GRID2: variants seen among roughly 807,000 people sequenced by gnomAD.
The protein encoded by GRID2 is glutamate ionotropic receptor delta type subunit 2.
GRID2 carries 33 observed loss-of-function variants against 114.8 expected under a neutral mutation model. The ratio of observed to expected loss-of-function variants is 0.29; its 90% confidence interval spans 0.22 to 0.38. The LOEUF is 0.38. Among genes scored for constraint, GRID2 ranks in the 10% least tolerant of loss-of-function variants. GRID2 has a pLI of 1.00. For missense variants in GRID2, 1,184 were observed against 1,257.7 expected, an observed-to-expected ratio of 0.94 and a Z score of 0.89; for synonymous variants, 505 against 449.9, an observed-to-expected ratio of 1.12 and a Z score of -1.55.
intron 1 of GRID2, among the ~76,000 whole-genome samples, chr4:92,483,585 G>C (rs951842830): frequency 6.6e-6 from 1 of 152,078 alleles, no homozygotes; most frequent in South Asian, 2.1e-4. Flanking sequence ...CCTGGGTCAG[G>C]AACACCAACC....
At chr4:93,730,295 C>G (rs1456705618) in intron 14 of GRID2, among the ~76,000 whole-genome samples, 2 of 150,132 alleles carry the variant, frequency 1.3e-5, no homozygotes, top group African/African-American at 4.9e-5. Context: ...AGAAAACTTC[C>G]TCAGAAAATA....
At chr4:93,068,927 T>G (rs1728558659) in intron 2 of GRID2, among the ~76,000 whole-genome samples, 1 of 152,030 alleles carries the variant, frequency 6.6e-6, no homozygotes, top group Admixed American at 6.6e-5. Flanking sequence ...TCTACTTGGC[T>G]TCTGGGGATG....
At chr4:92,556,974 C>G (rs947900391) in intron 1 of GRID2, among the ~76,000 whole-genome samples, 1 of 152,130 alleles carries the variant, frequency 6.6e-6, no homozygotes, top group Non-Finnish European at 1.5e-5. Context: ...ATCATCAGCT[C>G]TTACTAATAA....
intron 2 of GRID2, among the ~76,000 whole-genome samples, chr4:93,082,246 A>G (rs1044922090): frequency 1.3e-5 from 2 of 152,200 alleles, no homozygotes; most frequent in Admixed American, 6.5e-5. Context: ...ACTTGACAAT[A>G]AAACAATCTC....
chr4:93,454,190 T>C lies in GRID2; in HGVS notation c.1546-1472T>C, dbSNP rs147973148. On this transcript the variant is annotated intron_variant, in intron 10 of 15. Coordinates refer to ENST00000282020, the MANE Select transcript of GRID2 (RefSeq NM_001510.4). ...ATCCATGGTACGTATACTAATATGG[T>C]CTTGTTATAATGTAAATAGTACAGT... Among the ~76,000 whole-genome samples the C allele has an allele frequency of 4.3e-3, 656 of 152,144 alleles. 9 individuals carry two copies. The highest frequency in any genetic ancestry group is 0.015 in the African/African-American group (624 of 41,544).
rs1292418803 is a variant in GRID2 at position 93,769,067 on chromosome 4, T to C, written c.2361-143T>C. The C allele has an allele frequency of 1.2e-5, 9 of 728,282 alleles. No homozygotes were observed. The East Asian group carries it at 2.0e-4, about 16-fold the overall frequency. The allele number at this position is 728,282 out of a possible 1,614,324, so 45.1% of individuals were successfully genotyped here. On this transcript the variant is annotated intron_variant, in intron 14 of 15. Transcript: ENST00000282020. Reference sequence around the variant, plus strand: ...AATGATGACTTTCTGTTTCCTAGCATTCCATCTAAAACAAGCAGATCTATA... The same window carrying C: ...AATGATGACTTTCTGTTTCCTAGCACTCCATCTAAAACAAGCAGATCTATA...
chr4:92,667,277 C>G (rs1214608571), intron 2 of GRID2, among the ~76,000 whole-genome samples: 6 of 151,532 alleles, frequency 4.0e-5, no homozygotes, highest in Non-Finnish European at 5.9e-5. Flanking sequence ...CCAGAATTCT[C>G]TTATTTTGAG....
chr4:93,701,838 A>G (rs542145648), intron 14 of GRID2, among the ~76,000 whole-genome samples: 53 of 152,108 alleles, frequency 3.5e-4, no homozygotes, highest in Middle Eastern at 3.4e-3. Flanking sequence ...ATACATATAT[A>G]TTTTTTAACA....
chr4:93,288,846 A>T (rs941190786), intron 8 of GRID2, among the ~76,000 whole-genome samples: 1 of 152,056 alleles, frequency 6.6e-6, no homozygotes, highest in Non-Finnish European at 1.5e-5. Context: ...TTTTCCCTGT[A>T]TTGTGTGAAT....
intron 2 of GRID2, among the ~76,000 whole-genome samples, chr4:92,700,759 G>A (rs545068399): frequency 2.0e-5 from 3 of 152,256 alleles, no homozygotes; most frequent in Admixed American, 2.0e-4. Flanking sequence ...TTGGGAGACC[G>A]AGGTGGGTGA....
At chr4:92,609,631 A>G (rs912622079) in intron 2 of GRID2, among the ~76,000 whole-genome samples, 6 of 150,334 alleles carry the variant, frequency 4.0e-5, no homozygotes, top group African/African-American at 1.2e-4. Context: ...TATATTATAT[A>G]TATATAATAA....
At chr4:93,425,884 G>A (rs1768795967) in intron 10 of GRID2, among the ~76,000 whole-genome samples, 2 of 152,134 alleles carry the variant, frequency 1.3e-5, no homozygotes, top group African/African-American at 2.4e-5. Flanking sequence ...AGGGTACCCT[G>A]CAGTTTCTGC....
At chr4:92,602,428 C>T (rs1729261594) in intron 2 of GRID2, among the ~76,000 whole-genome samples, 1 of 152,016 alleles carries the variant, frequency 6.6e-6, no homozygotes, top group Admixed American at 6.6e-5. Context: ...TAATTCATTA[C>T]ATAAACAGAA....
intron 14 of GRID2, among the ~76,000 whole-genome samples, chr4:93,656,953 C>A (rs1490783900): frequency 1.3e-5 from 2 of 150,258 alleles, no homozygotes; most frequent in Non-Finnish European, 3.0e-5. Context: ...CAGACAAGCT[C>A]ACATGAGTTT....
chr4:93,497,423 C>G (rs1727655738), intron 12 of GRID2, among the ~76,000 whole-genome samples: 1 of 151,784 alleles, frequency 6.6e-6, no homozygotes, highest in Admixed American at 6.6e-5. Context: ...GGTTTCATGT[C>G]TAGCACTCTT....
intron 8 of GRID2, among the ~76,000 whole-genome samples, chr4:93,286,478 T>A (rs78188122): frequency 1.4e-3 from 214 of 152,254 alleles, no homozygotes; most frequent in African/African-American, 5.0e-3. Flanking sequence ...AGGGTTCATA[T>A]CACCCTTCCT....
At chr4:93,624,724 A>G (rs569426633) in intron 13 of GRID2, among the ~76,000 whole-genome samples, 8 of 152,142 alleles carry the variant, frequency 5.3e-5, no homozygotes, top group Non-Finnish European at 1.2e-4. Flanking sequence ...GAGTTTAACT[A>G]TTACTTCTAT....
intron 2 of GRID2, among the ~76,000 whole-genome samples, chr4:93,075,239 A>G (rs1406187547): frequency 1.3e-5 from 2 of 152,208 alleles, no homozygotes; most frequent in Admixed American, 6.5e-5. Flanking sequence ...AAAACTTCCA[A>G]TAAAATCTAA....
chr4:93,093,075 G>A (rs953593132), intron 3 of GRID2, among the ~76,000 whole-genome samples: 4 of 151,892 alleles, frequency 2.6e-5, no homozygotes, highest in Non-Finnish European at 5.9e-5. Flanking sequence ...TGCATCTCAC[G>A]GCCCTTTAGA....
Sources: allele counts gnomAD v4.1 joint callset (sites outside exome capture counted in the v4.1 genomes callset), GRCh38; gene constraint gnomAD v4.1.1; transcripts MANE v1.5; gene names NCBI Gene and HGNC (gene_info 2026-07-23, HGNC 2026-07-21).